UBN1: variants seen among roughly 807,000 people sequenced by gnomAD.
UBN1 encodes the protein ubinuclein-1.
A neutral mutation model predicts 108.5 loss-of-function variants in UBN1; 17 were observed. The observed-to-expected ratio is 0.16, with a 90% CI of 0.11 to 0.24. The LOEUF is 0.24. Ranked by LOEUF, UBN1 falls within the 10% of genes least tolerant of loss-of-function variation. UBN1 has a pLI of 1.00. For missense variants in UBN1, 1,595 were observed against 1,394.4 expected, an observed-to-expected ratio of 1.14 and a Z score of -2.29; for synonymous variants, 726 against 564.2, an observed-to-expected ratio of 1.29 and a Z score of -4.07.
At chr16:4,855,050 C>G (rs539335971) in intron 2 of UBN1, among the ~76,000 whole-genome samples, 1 of 152,276 alleles carries the variant, frequency 6.6e-6, no homozygotes, top group South Asian at 2.1e-4. Context: ...GCACCTGTGT[C>G]TGCCTTTGCA....
chr16:4,850,360 G>T (rs192007572), intron 1 of UBN1, among the ~76,000 whole-genome samples: 2 of 152,208 alleles, frequency 1.3e-5, no homozygotes, highest in Non-Finnish European at 2.9e-5. Flanking sequence ...ATAAGGTTAT[G>T]TGTTTACTGC....
rs531428546 is a variant in UBN1, at chr16:4,881,154, A to G, written c.*1022A>G. ...GAGCCCTTCATCTCTCTGAGGGTCA[A>G]GGATACCAGGGGTCCCAAGTCACAG... On this transcript the variant is annotated 3_prime_UTR_variant, in exon 18 of 18. Coordinates refer to ENST00000262376, the MANE Select transcript of UBN1 (RefSeq NM_001079514.3). The G allele has an allele frequency of 1.3e-5, 2 of 152,722 alleles. No homozygotes were observed. Among genetic ancestry groups the G allele is most frequent in the East Asian group, 1.9e-4 (1 of 5,190 alleles). 9.5% of individuals were successfully genotyped at this position (152,722 alleles called of 1,614,324 possible). A position where few individuals can be genotyped will look rare whatever the true frequency, so the allele number is the denominator to read the frequency against.
chr16:4,873,410 G>A (rs1361178511), intron 14 of UBN1, among the ~76,000 whole-genome samples: 7 of 152,176 alleles, frequency 4.6e-5, no homozygotes, highest in African/African-American at 1.7e-4. Context: ...CTCTAGCCAA[G>A]TGCAGTTTAG....
At chr16:4,873,201 A>G in intron 14 of UBN1, 128 bp downstream of exon 14, 1 of 1,337,274 alleles carries the variant, frequency 7.5e-7, no homozygotes, top group African/African-American at 1.4e-5. Flanking sequence ...TCAGGATGAC[A>G]TTCTTGAAGT....
At chr16:4,867,899 C>T (rs1431297975) in intron 7 of UBN1, among the ~76,000 whole-genome samples, 2 of 152,176 alleles carry the variant, frequency 1.3e-5, no homozygotes, top group South Asian at 2.1e-4. Context: ...AATTTTATTT[C>T]ACCCAAAGCC....
At chr16:4,856,101 A>G (rs145714360) in intron 2 of UBN1, among the ~76,000 whole-genome samples, 6 of 152,312 alleles carry the variant, frequency 3.9e-5, no homozygotes, top group East Asian at 1.9e-4. Context: ...GGAAAATGGT[A>G]TCTTCTTCCT....
At chr16:4,879,994 G>A (rs1337430232) in intron 17 of UBN1, 89 bp from the exon 18 acceptor site, 4 of 1,396,300 alleles carry the variant, frequency 2.9e-6, no homozygotes, top group South Asian at 1.2e-5. Flanking sequence ...TGCTATTTAG[G>A]TGTCTCCCTT....
At position 4,874,331 on chromosome 16, in the gene UBN1, C is replaced by T; in HGVS notation, c.1921C>T (p.Leu641Phe). 6.2e-7 allele frequency: 1 copy of T among 1,614,188 alleles called. No homozygotes were observed. The highest frequency in any genetic ancestry group is 1.7e-5 in the Admixed American group (1 of 60,024). ...GLSIGASSRE[L>F]PSQASGGLAN... ...GAGTATTGGGGCCTCGAGCAGGGAG[C>T]TCCCATCCCAGGCATCGGGCGGCCT... The change falls in exon 15 of 18, where the codon CTC (leucine) becomes TTC (phenylalanine). Residue 641 changes from leucine (L) to phenylalanine (F), a missense_variant. Coordinates refer to ENST00000262376, the MANE Select transcript of UBN1 (RefSeq NM_001079514.3).
chr16:4,879,938 C>A (rs1458597731), intron 17 of UBN1, 145 bp from the exon 18 acceptor site: 3 of 830,368 alleles, frequency 3.6e-6, no homozygotes, highest in Non-Finnish European at 4.1e-6. Flanking sequence ...TGGCTGGTGT[C>A]TCATGGCTTG....
rs142136102 is a variant in UBN1 at position 4,859,089 on chromosome 16, C to T, written c.497C>T (p.Thr166Ile). 104 of 1,614,172 alleles carry T rather than the reference C, an allele frequency of 6.4e-5. 1 individual carries two copies. Among genetic ancestry groups the T allele is most frequent in the Admixed American group, 6.0e-4 (36 of 60,022 alleles). Reference protein sequence around the residue: ...KYGGFYINSGTLQFRQASESE... With the variant: ...KYGGFYINSGILQFRQASESE... ...GGAGGATTTTACATTAACTCGGGAA[C>T]CCTGCAGTTTAGACAAGCATCAGAG... Residue 166 changes from threonine (T) to isoleucine (I), a missense_variant, in exon 5 of 18, where the codon ACC becomes ATC. This residue lies in a region of UBN1 where 1,398 missense variants were observed against 1,194.7 expected (regional missense o/e 1.17). Coordinates refer to ENST00000262376, the MANE Select transcript of UBN1 (RefSeq NM_001079514.3).
In UBN1 at chr16:4,858,090, C is replaced by A. The variant is rs766044890; in HGVS notation, c.336+14C>A. 1 of 1,577,314 alleles carries A rather than the reference C, an allele frequency of 6.3e-7. No individual in the cohort carries two copies. Among genetic ancestry groups the A allele is most frequent in the Non-Finnish European group, 8.7e-7 (1 of 1,148,404 alleles). ...GAAGAAAAATACGTAAGATTTCTCT[C>A]TTGAATAACAAAACAACCTCATTGG... On this transcript the variant is annotated intron_variant, in intron 3 of 17. Coordinates refer to ENST00000262376, the MANE Select transcript of UBN1 (RefSeq NM_001079514.3).
At position 4,870,932 on chromosome 16, in the gene UBN1, A is replaced by G. The variant is rs2087600765; in HGVS notation, c.1519A>G (p.Met507Val). Residue 507 changes from methionine (M) to valine (V), a missense_variant, in exon 11 of 18, where the codon ATG (methionine) becomes GTG (valine). Physicochemically the swap from Met to Val is conservative, Grantham distance 21. This residue lies in a region of UBN1 where 1,398 missense variants were observed against 1,194.7 expected (regional missense o/e 1.17). Coordinates refer to ENST00000262376, the MANE Select transcript of UBN1 (RefSeq NM_001079514.3). ...TGAAGAAAAAGGGGGCAGGAGGATA[A>G]TGGGACCTCGGAAGAAGTTCCAATG... The part of the protein sequence containing the change: ...EDEEKGGRRI[M>V]GPRKKFQWND... 1 of 1,614,106 alleles carries G rather than the reference A, an allele frequency of 6.2e-7. No homozygotes were observed. Among genetic ancestry groups the G allele is most frequent in the Non-Finnish European group, 8.5e-7 (1 of 1,180,002 alleles).
chr16:4,874,857 A>C lies in UBN1; in HGVS notation c.2447A>C (p.Asn816Thr). ...VFHAGTQQQK[N>T]FTPPSPFANK... ...CATGCCGGCACTCAGCAGCAGAAAA[A>C]CTTCACGCCCCCATCTCCATTTGCC... is the stretch of plus-strand genomic sequence containing the variant. Residue 816 changes from asparagine (N) to threonine (T), a missense_variant, in exon 15 of 18, where the codon AAC becomes ACC. By Grantham distance (65) the Asn-to-Thr change is moderately conservative. Transcript: ENST00000262376. 7.4e-6 allele frequency: 12 copies of C among 1,613,818 alleles called. No homozygotes were observed. The highest frequency in any genetic ancestry group is 9.3e-6 in the Non-Finnish European group (11 of 1,179,992).
chr16:4,861,029 A>C lies in UBN1; in HGVS notation c.1037A>C (p.Glu346Ala). 1 of 1,614,154 alleles carries C rather than the reference A, an allele frequency of 6.2e-7. No individual in the cohort carries two copies. The highest frequency in any genetic ancestry group is 1.1e-5 in the South Asian group (1 of 91,084). The change falls in exon 7 of 18, where the codon GAA becomes GCA. Residue 346 changes from glutamate to alanine, a missense_variant. Transcript: ENST00000262376. ...SDSLGVGLDQ[E>A]FRQPSSLPEG... The stretch of plus-strand genomic sequence containing the variant: ...TCCCTTGGGGTGGGATTGGACCAGG[A>C]ATTCAGGCAGCCCTCTTCTCTCCCC...
chr16:4,870,254 T>C lies in UBN1; in HGVS notation c.1224T>C (p.Ser408=). The C allele has an allele frequency of 1.9e-6, 3 of 1,614,254 alleles. No individual in the cohort carries two copies. Among genetic ancestry groups the C allele is most frequent in the Non-Finnish European group, 2.5e-6 (3 of 1,180,034 alleles). The stretch of plus-strand genomic sequence containing the variant: ...GGGAGCTGAGCAGTCAGGTCCGCTC[T>C]GGGGTGTATGCCTATCTTGCGTCAT... ...QTRELSSQVR[S]GVYAYLASFL... Residue 408 remains serine, a synonymous_variant, in exon 9 of 18, where the codon TCT becomes TCC. Coordinates refer to ENST00000262376, the MANE Select transcript of UBN1 (RefSeq NM_001079514.3).
chr16:4,864,823 A>G (rs1413595093), intron 7 of UBN1, among the ~76,000 whole-genome samples: 1 of 152,172 alleles, frequency 6.6e-6, no homozygotes, highest in African/African-American at 2.4e-5. Context: ...CCTCATCACA[A>G]GAAGTGCAGG....
rs184268211 is a variant in UBN1, at chr16:4,851,654, A to C, written c.-39-1225A>C. 1.4e-4 allele frequency among the ~76,000 whole-genome samples: 22 copies of C among 152,260 alleles called. 1 individual carries two copies. Among genetic ancestry groups the C allele is most frequent in the Admixed American group, 8.5e-4 (13 of 15,290 alleles). On this transcript the variant is annotated intron_variant, in intron 1 of 17. Transcript: ENST00000262376. ...GGCAACATAGTGGGTCAGCATCTCT[A>C]CAAAAAATAGAAAAAATTAGCCAGG...
intron 7 of UBN1, 106 bp from the exon 8 acceptor site, chr16:4,868,727 A>C: frequency 9.3e-7 from 1 of 1,076,310 alleles, no homozygotes. Context: ...GTGTGACTGT[A>C]TTGACAGGTG....
Position 4,877,464 on chromosome 16 carries a change from G to A in UBN1, c.3345G>A (p.Gln1115=). The change falls in exon 17 of 18, where the codon CAG becomes CAA. Residue 1115 remains glutamine, a synonymous_variant. Coordinates refer to ENST00000262376, the MANE Select transcript of UBN1 (RefSeq NM_001079514.3). The surrounding 1 kb of genome is among the most constrained non-coding windows in gnomAD (Gnocchi z 4.3). ...PHAAVPTHIP[Q]SLPGASQLHG... ...CTGCGGTGCCCACCCATATCCCGCA[G>A]AGTCTGCCAGGTAATCACCCGACGG... 1.9e-6 allele frequency: 3 copies of A among 1,610,598 alleles called. No homozygotes were observed. Among genetic ancestry groups the A allele is most frequent in the Non-Finnish European group, 2.5e-6 (3 of 1,179,250 alleles).
Sources: gnomAD v4.1 joint callset for allele counts (sites outside exome capture counted in the v4.1 genomes callset) on GRCh38, gnomAD v4.1.1 for gene constraint, gnomAD v4.1.1 regional missense constraint, Gnocchi (gnomAD v3.1) non-coding constraint, MANE v1.5 for transcripts, NCBI Gene and HGNC (gene_info 2026-07-23, HGNC 2026-07-21) for gene names.